Variants in NYAP2 observed in about 807,000 individuals in gnomAD.
NYAP2 encodes the protein neuronal tyrosine-phosphorylated phosphoinositide-3-kinase adapter 2.
Under a neutral mutation model 50.4 loss-of-function variants are expected in NYAP2, and 23 were observed. The observed-to-expected ratio is 0.46, with a 90% CI of 0.33 to 0.65. NYAP2 has a LOEUF of 0.65. Among genes scored for constraint, NYAP2 ranks in the 30% least tolerant of loss-of-function variants. The probability of loss-of-function intolerance (pLI) is 0.02; values close to 1 mark genes in which losing one functional copy is unlikely to be tolerated. For missense variants in NYAP2, 885 were observed against 861.0 expected, an observed-to-expected ratio of 1.03 and a Z score of -0.35; for synonymous variants, 394 against 365.2, an observed-to-expected ratio of 1.08 and a Z score of -0.90.
chr2:225,416,486 G>C (rs1421307406), intron 3 of NYAP2, among the ~76,000 whole-genome samples: 1 of 151,996 alleles, frequency 6.6e-6, no homozygotes, highest in Non-Finnish European at 1.5e-5. Flanking sequence ...TTTTCAGTTA[G>C]AGCCATCAAG....
At chr2:225,661,597 T>G in the NYAP2 span, among the ~76,000 whole-genome samples, 1 of 152,312 alleles carries the variant, frequency 6.6e-6, no homozygotes, top group African/African-American at 2.4e-5. Flanking sequence ...TTCTGTTACC[T>G]ATTGAAGGTC....
At chr2:225,647,862 T>C (rs1394822348) in intron 6 of NYAP2, among the ~76,000 whole-genome samples, 1 of 152,026 alleles carries the variant, frequency 6.6e-6, no homozygotes, top group Non-Finnish European at 1.5e-5. Flanking sequence ...TGGTGAGATA[T>C]GGTTTGATTA....
At chr2:225,499,786 T>G (rs1690572632) in intron 3 of NYAP2, among the ~76,000 whole-genome samples, 1 of 152,080 alleles carries the variant, frequency 6.6e-6, no homozygotes. Flanking sequence ...AGATGCTCAA[T>G]AGATGTTTGT....
At chr2:225,487,012 C>T (rs1690312234) in intron 3 of NYAP2, among the ~76,000 whole-genome samples, 1 of 152,216 alleles carries the variant, frequency 6.6e-6, no homozygotes, top group African/African-American at 2.4e-5. Context: ...ACAAAAGTCA[C>T]ATATTGCTGT....
intron 4 of NYAP2, among the ~76,000 whole-genome samples, chr2:225,557,974 G>A (rs1485250121): frequency 6.6e-6 from 1 of 152,094 alleles, no homozygotes; most frequent in Non-Finnish European, 1.5e-5. Flanking sequence ...AAGATCCAGA[G>A]AAAAATGAAC....
At chr2:225,459,574 C>T (rs1381877201) in intron 3 of NYAP2, among the ~76,000 whole-genome samples, 1 of 152,086 alleles carries the variant, frequency 6.6e-6, no homozygotes, top group African/African-American at 2.4e-5. Flanking sequence ...TGAAAGTGAA[C>T]AACAGAAGCT....
the NYAP2 span, among the ~76,000 whole-genome samples, chr2:225,663,387 C>T: frequency 2.6e-5 from 4 of 152,076 alleles, no homozygotes; most frequent in African/African-American, 9.7e-5. Context: ...ATGCAAAATA[C>T]TTAAAGGTGC....
intron 4 of NYAP2, among the ~76,000 whole-genome samples, chr2:225,578,099 A>G (rs573655225): frequency 6.6e-6 from 1 of 151,780 alleles, no homozygotes; most frequent in African/African-American, 2.4e-5. Context: ...CGCCTGGCTA[A>G]TTTTTGTATT....
At chr2:225,567,302 T>G (rs1354200473) in intron 4 of NYAP2, among the ~76,000 whole-genome samples, 4 of 152,234 alleles carry the variant, frequency 2.6e-5, no homozygotes, top group African/African-American at 4.8e-5. Flanking sequence ...ACATAAACTT[T>G]CATTAAAGAA....
exon 3 of NYAP2, chr2:225,408,920 G>C: frequency 6.2e-7 from 1 of 1,611,384 alleles, no homozygotes. Context: ...TCCTGAGGAA[G>C]ACCCTTTGGA....
intron 6 of NYAP2, among the ~76,000 whole-genome samples, chr2:225,643,560 C>T (rs1295830709): frequency 1.3e-5 from 2 of 151,826 alleles, no homozygotes; most frequent in Non-Finnish European, 2.9e-5. Flanking sequence ...TGTCATCTAG[C>T]ATTAGGTATA....
chr2:225,622,689 T>G (rs985781954), intron 5 of NYAP2, among the ~76,000 whole-genome samples: 1 of 151,402 alleles, frequency 6.6e-6, no homozygotes, highest in Non-Finnish European at 1.5e-5. Flanking sequence ...AAGCGATTCT[T>G]ATGCCTCAGC....
chr2:225,564,950 T>C (rs532324512), intron 4 of NYAP2, among the ~76,000 whole-genome samples: 26 of 151,882 alleles, frequency 1.7e-4, no homozygotes, highest in Non-Finnish European at 2.8e-4. Context: ...GGCAACATGG[T>C]GAAACCCCAT....
chr2:225,491,221 A>G (rs574995802), intron 3 of NYAP2, among the ~76,000 whole-genome samples: 4 of 152,356 alleles, frequency 2.6e-5, no homozygotes, highest in East Asian at 3.9e-4. Context: ...TACATGAGCA[A>G]TAAGTGATAC....
chr2:225,541,199 T>C (rs1282510982), intron 4 of NYAP2, among the ~76,000 whole-genome samples: 1 of 152,130 alleles, frequency 6.6e-6, no homozygotes, highest in Non-Finnish European at 1.5e-5. Flanking sequence ...AATCCCTTGT[T>C]AGGTGGATAG....
intron 4 of NYAP2, among the ~76,000 whole-genome samples, chr2:225,577,753 T>C (rs1692193344): frequency 6.6e-6 from 1 of 152,018 alleles, no homozygotes; most frequent in African/African-American, 2.4e-5. Context: ...ACCTCTGATT[T>C]ACCTCGAAGA....
intron 3 of NYAP2, among the ~76,000 whole-genome samples, chr2:225,490,441 T>A (rs1690384500): frequency 6.6e-6 from 1 of 152,190 alleles, no homozygotes; most frequent in Admixed American, 6.5e-5. Flanking sequence ...ATAAAATGCA[T>A]TTTGTAAGTA....
At chr2:225,477,462 TC>T (rs1257011133) in intron 3 of NYAP2, among the ~76,000 whole-genome samples, 1 of 152,014 alleles carries the variant, frequency 6.6e-6, no homozygotes, top group African/African-American at 2.4e-5. Context: ...GGTCTCGATC[TC>T]CTGACCTCGT....
chr2:225,604,277 C>A lies in NYAP2; in HGVS notation c.1618+21242C>A, dbSNP rs1229825992. Among the ~76,000 whole-genome samples, 87 of 152,092 alleles carry A rather than the reference C, an allele frequency of 5.7e-4. 2 individuals carry two copies. Among genetic ancestry groups the A allele is most frequent in the Admixed American group, 5.7e-3 (87 of 15,248 alleles). On this transcript the variant is annotated intron_variant, in intron 5 of 6. Transcript: ENST00000636099. ...GGAAATGGTATTGCCACATAAAATT[C>A]CCAAAAGAAGAAGTTTTGTACGTTT...
Sources: gnomAD v4.1 joint callset for allele counts (sites outside exome capture counted in the v4.1 genomes callset) on GRCh38, gnomAD v4.1.1 for gene constraint, MANE v1.5 for transcripts, NCBI Gene and HGNC (gene_info 2026-07-23, HGNC 2026-07-21) for gene names.